PDE10A: variants seen among roughly 807,000 people sequenced by gnomAD.
PDE10A encodes cAMP and cAMP-inhibited cGMP 3',5'-cyclic phosphodiesterase 10A.
A neutral mutation model predicts 97.7 loss-of-function variants in PDE10A; 39 were observed. The observed-to-expected ratio is 0.40, with a 90% CI of 0.31 to 0.52. PDE10A has a LOEUF of 0.52. Ranked by LOEUF, PDE10A falls within the 20% of genes least tolerant of loss-of-function variation. The pLI, the probability that PDE10A is intolerant of heterozygous loss-of-function variation, is 0.56. For synonymous variants in PDE10A, 371 were observed against 376.8 expected (o/e 0.98, Z 0.18); for missense variants, 731 against 1,047.8 (o/e 0.70, Z 4.17).
At chr6:165,390,854 C>G (rs570190010) in intron 16 of PDE10A, among the ~76,000 whole-genome samples, 1 of 152,268 alleles carries the variant, frequency 6.6e-6, no homozygotes, top group South Asian at 2.1e-4. Context: ...ACCCCTAACC[C>G]CATGAAGTAT....
chr6:165,919,140 A>C (rs1227113576), intron 1 of PDE10A, among the ~76,000 whole-genome samples: 1 of 152,196 alleles, frequency 6.6e-6, no homozygotes, highest in African/African-American at 2.4e-5. Context: ...TCAACAAGCC[A>C]AGCCGGTTTC....
intron 1 of PDE10A, among the ~76,000 whole-genome samples, chr6:165,823,514 A>T (rs1414858461): frequency 2.2e-5 from 3 of 134,476 alleles, no homozygotes; most frequent in Non-Finnish European, 3.2e-5. Flanking sequence ...ATATATATAT[A>T]TATATATATA....
intron 1 of PDE10A, among the ~76,000 whole-genome samples, chr6:165,901,030 C>G (rs1235295426): frequency 6.6e-6 from 1 of 152,146 alleles, no homozygotes; most frequent in Non-Finnish European, 1.5e-5. Context: ...GCCCAGGCTG[C>G]GTGGGATGAA....
intron 1 of PDE10A, among the ~76,000 whole-genome samples, chr6:165,761,717 T>C (rs1318798126): frequency 6.6e-6 from 1 of 152,088 alleles, no homozygotes; most frequent in African/African-American, 2.4e-5. Context: ...AATTATCTTT[T>C]AAATGAAAAT....
intron 1 of PDE10A, among the ~76,000 whole-genome samples, chr6:165,777,021 G>A (rs1375611749): frequency 6.6e-6 from 1 of 152,184 alleles, no homozygotes; most frequent in African/African-American, 2.4e-5. Flanking sequence ...CTGAGGAGGA[G>A]GGAATTGTAA....
At chr6:165,967,078 G>A (rs895544584) in intron 1 of PDE10A, among the ~76,000 whole-genome samples, 2 of 152,206 alleles carry the variant, frequency 1.3e-5, no homozygotes, top group Admixed American at 1.3e-4. Context: ...GGGGTACCAA[G>A]TGCTTGCCGT....
chr6:165,539,419 T>C lies in PDE10A; in HGVS notation c.994+4021A>G, dbSNP rs181693091. On this transcript the variant is annotated intron_variant, in intron 2 of 21. Coordinates refer to ENST00000539869, the MANE Select transcript of PDE10A (RefSeq NM_001385079.1). ...ATCTCGTCGTAATCGCGCCTCTTTC[T>C]CTGTAAGACTTTCCCTGACAGGGAA... Among the ~76,000 whole-genome samples, 3 of 152,320 alleles carry C rather than the reference T, an allele frequency of 2.0e-5. No individual in the cohort carries two copies. In the East Asian group the frequency reaches 5.8e-4, roughly 29 times the overall value.
intron 17 of PDE10A, among the ~76,000 whole-genome samples, chr6:165,384,644 GT>G (rs879919985): frequency 0.035 from 2,170 of 62,620 alleles, 95 homozygotes; most frequent in African/African-American, 0.047. Flanking sequence ...GTGTGTGTGT[GT>G]GTGTGTGTGT....
At chr6:165,743,142 G>A (rs540202053) in intron 1 of PDE10A, among the ~76,000 whole-genome samples, 64 of 152,234 alleles carry the variant, frequency 4.2e-4, no homozygotes, top group African/African-American at 1.3e-3. Context: ...TACCTACTAC[G>A]TGCTAATTAC....
chr6:165,585,543 G>A (rs1173706918), intron 1 of PDE10A, among the ~76,000 whole-genome samples: 1 of 152,136 alleles, frequency 6.6e-6, no homozygotes, highest in African/African-American at 2.4e-5. Context: ...AAGGGGATGT[G>A]AAAATAGAGG....
chr6:165,348,049 C>T (rs1232509218), intron 18 of PDE10A, among the ~76,000 whole-genome samples: 2 of 152,062 alleles, frequency 1.3e-5, no homozygotes, highest in East Asian at 1.9e-4. Context: ...CATGCACGTA[C>T]ATCTAAATTA....
At chr6:165,923,776 T>G (rs35709747) in intron 1 of PDE10A, among the ~76,000 whole-genome samples, 2 of 75,078 alleles carry the variant, frequency 2.7e-5, no homozygotes, top group East Asian at 3.9e-4. Flanking sequence ...TTAACTGTGT[T>G]TTTTTTTTTA....
chr6:165,927,824 GTATCTGGGACTA>G (rs1027475111), intron 1 of PDE10A, among the ~76,000 whole-genome samples: 14 of 149,912 alleles, frequency 9.3e-5, no homozygotes, highest in African/African-American at 3.4e-4. Context: ...AGCCCCCCAA[GTATCTGGGACTA>G]TAGGTGTGCG....
At chr6:165,657,689 C>A (rs574481081) in intron 1 of PDE10A, among the ~76,000 whole-genome samples, 1 of 152,316 alleles carries the variant, frequency 6.6e-6, no homozygotes, top group South Asian at 2.1e-4. Context: ...AATGTTTCTT[C>A]TGCTTCTCAT....
chr6:165,557,757 T>C (rs1784329687), intron 1 of PDE10A, among the ~76,000 whole-genome samples: 1 of 152,220 alleles, frequency 6.6e-6, no homozygotes, highest in Admixed American at 6.5e-5. Context: ...ATGTAATTCA[T>C]TTAAAAATAC....
chr6:165,433,992 G>A (rs944969431), intron 6 of PDE10A, among the ~76,000 whole-genome samples: 1 of 143,538 alleles, frequency 7.0e-6, no homozygotes, highest in Non-Finnish European at 1.5e-5. Context: ...ACTCCAGCCT[G>A]GGCGACACAG....
rs191232001 is a variant in PDE10A at position 165,377,287 on chromosome 6, G to C, written c.2783+1907C>G. Among the ~76,000 whole-genome samples the C allele has an allele frequency of 2.0e-5, 3 of 151,970 alleles. No homozygotes were observed. In the East Asian group the frequency reaches 5.8e-4, roughly 29 times the overall value. ...CACGCACACACACACCCCTACCTTT[G>C]AAAAATCATAGAAAAATGCCTAAGA... On this transcript the variant is annotated intron_variant, in intron 18 of 21. Transcript: ENST00000539869.
At chr6:165,963,695 C>T (rs1784423876) in intron 1 of PDE10A, among the ~76,000 whole-genome samples, 1 of 152,224 alleles carries the variant, frequency 6.6e-6, no homozygotes, top group Admixed American at 6.5e-5. Context: ...CACACCTGTC[C>T]TGAGAAAAGC....
At chr6:165,463,878 G>C (rs916258976) in intron 3 of PDE10A, among the ~76,000 whole-genome samples, 15 of 152,238 alleles carry the variant, frequency 9.9e-5, no homozygotes, top group African/African-American at 3.6e-4. Flanking sequence ...TAGCATGAGT[G>C]ATCTGTGCCT....
Sources: gnomAD v4.1 joint callset for allele counts (sites outside exome capture counted in the v4.1 genomes callset) on GRCh38, gnomAD v4.1.1 for gene constraint, MANE v1.5 for transcripts, NCBI Gene and HGNC (gene_info 2026-07-23, HGNC 2026-07-21) for gene names.